CERK: variants seen among roughly 807,000 people sequenced by gnomAD.
CERK encodes the protein acylsphingosine kinase.
In CERK, 39 loss-of-function variants were observed where a neutral mutation model predicts 63.4. That is an observed-to-expected ratio of 0.61 (90% CI 0.48 to 0.80). CERK has a LOEUF of 0.80. CERK is among the 30% of genes least tolerant of loss of function. CERK has a pLI of 0.00. For synonymous variants in CERK, 302 were observed against 280.0 expected, an observed-to-expected ratio of 1.08 and a Z score of -0.78; for missense variants, 670 against 714.1, an observed-to-expected ratio of 0.94 and a Z score of 0.70.
chr22:46,729,360 A>T (rs1026810782), intron 1 of CERK, among the ~76,000 whole-genome samples: 23 of 152,050 alleles, frequency 1.5e-4, no homozygotes, highest in East Asian at 3.8e-4. Context: ...GTAAATAAAT[A>T]AATTAATTAA....
intron 3 of CERK, among the ~76,000 whole-genome samples, 183 bp downstream of exon 3, chr22:46,719,903 G>T (rs572212527): frequency 3.3e-5 from 5 of 152,234 alleles, no homozygotes; most frequent in Non-Finnish European, 5.9e-5. Flanking sequence ...AGGCTGTGGA[G>T]CCCATGCCCT....
chr22:46,724,537 G>A lies in CERK; in HGVS notation c.143-3522C>T, dbSNP rs373400728. Among the ~76,000 whole-genome samples the A allele has an allele frequency of 5.3e-5, 8 of 152,334 alleles. No homozygotes were observed. The South Asian group carries it at 1.7e-3, about 32-fold the overall frequency. ...ATTCCCCAGGTGGCAATGAGTGGCTGGACTTGGCGTGGCTTTGGCCTGTAT... is the reference window on the plus strand; with the variant it reads ...ATTCCCCAGGTGGCAATGAGTGGCTAGACTTGGCGTGGCTTTGGCCTGTAT... On this transcript the variant is annotated intron_variant, in intron 1 of 12. Transcript: ENST00000216264.
intron 7 of CERK, among the ~76,000 whole-genome samples, chr22:46,700,381 G>A (rs898633356): frequency 4.6e-5 from 7 of 152,064 alleles, no homozygotes; most frequent in East Asian, 1.9e-4. Context: ...CAACAAGAGC[G>A]AAACTCTGTC....
chr22:46,721,008 G>A lies in CERK; in HGVS notation c.150C>T (p.Cys50=), dbSNP rs12166204. 0.098 allele frequency: 157,593 copies of A among 1,606,024 alleles called. 8,333 individuals carry two copies. The highest frequency in any genetic ancestry group is 0.15 in the African/African-American group (11,284 of 74,794). Residue 50 remains cysteine, a synonymous_variant, in exon 2 of 13, where the codon TGC becomes TGT. Transcript: ENST00000216264. ...PGAGAPGADA[C]SVPVSEIIAV... is the part of the protein sequence containing the mutation. ...CGATGATCTCAGATACAGGCACAGA[G>A]CAGGCATCTGTAAAAACACCACGTC...
At chr22:46,706,375 T>C (rs2082813152) in intron 6 of CERK, among the ~76,000 whole-genome samples, 1 of 152,116 alleles carries the variant, frequency 6.6e-6, no homozygotes, top group African/African-American at 2.4e-5. Flanking sequence ...CTGAGAAGGA[T>C]GTGAGGAAAT....
chr22:46,731,355 G>A (rs917830195), intron 1 of CERK, among the ~76,000 whole-genome samples: 2 of 152,300 alleles, frequency 1.3e-5, no homozygotes, highest in African/African-American at 2.4e-5. Context: ...TCCACCCCCC[G>A]CCAAGGTGGC....
At chr22:46,693,317 A>G in intron 10 of CERK, 110 bp downstream of exon 10, 1 of 877,026 alleles carries the variant, frequency 1.1e-6, no homozygotes, top group Middle Eastern at 3.0e-4. Flanking sequence ...CAGACAGGAA[A>G]AAGGAAAAGC....
At position 46,714,068 on chromosome 22, in the gene CERK, T is replaced by G. The variant is rs6008958; in HGVS notation, c.380-1775A>C. ...GGCAGATCACTTGAGGTCAGGTGTT[T>G]GAAACCAGCCTGGGCAACATGGTGA... On this transcript the variant is annotated intron_variant, in intron 3 of 12. Coordinates refer to ENST00000216264, the MANE Select transcript of CERK (RefSeq NM_022766.6). The surrounding 1 kb of genome is among the most constrained non-coding windows in gnomAD (Gnocchi z 4.4). Among the ~76,000 whole-genome samples, 4 of 151,996 alleles carry G rather than the reference T, an allele frequency of 2.6e-5. No individual in the cohort carries two copies. The highest frequency in any genetic ancestry group is 1.5e-5 in the Non-Finnish European group (1 of 68,006).
intron 1 of CERK, among the ~76,000 whole-genome samples, chr22:46,737,307 C>CA (rs956392105): frequency 7.3e-6 from 1 of 136,750 alleles, no homozygotes; most frequent in South Asian, 2.2e-4. Context: ...AAAAAAAAAA[C>CA]AAAAAACAAA....
At chr22:46,703,004 G>C (rs1601715388) in intron 6 of CERK, among the ~76,000 whole-genome samples, 1 of 152,118 alleles carries the variant, frequency 6.6e-6, no homozygotes, top group African/African-American at 2.4e-5. Context: ...CGGGGCTCCA[G>C]GGGGGTTGCT....
Position 46,701,669 on chromosome 22 carries a change from C to T in CERK, c.757G>A (p.Asp253Asn), listed in dbSNP as rs754442734. 47 of 1,559,722 alleles carry T rather than the reference C, an allele frequency of 3.0e-5. No homozygotes were observed. The highest frequency in any genetic ancestry group is 2.5e-4 in the South Asian group (21 of 84,498). The change falls in exon 7 of 13, where the codon GAC becomes AAC. Residue 253 changes from aspartate to asparagine, a missense_variant. Transcript: ENST00000216264. ...ATATGCAGCGCCGAGGTTTCTGCGT[C>T]GCTGGTGCCCACGGTGGAGTAACAC... ...CVCYSTVGTS[D>N]AETSALHIVV...
chr22:46,709,993 A>C (rs1475238922), intron 5 of CERK, among the ~76,000 whole-genome samples: 1 of 152,266 alleles, frequency 6.6e-6, no homozygotes, highest in African/African-American at 2.4e-5. Flanking sequence ...CAAAGACATA[A>C]AAATCAATTC....
intron 12 of CERK, among the ~76,000 whole-genome samples, chr22:46,687,623 C>T (rs531324900): frequency 6.6e-5 from 10 of 151,638 alleles, no homozygotes; most frequent in Non-Finnish European, 1.5e-4. Context: ...ACTGAGCGCG[C>T]AAGGCCTGCG....
intron 12 of CERK, among the ~76,000 whole-genome samples, chr22:46,689,050 T>C (rs1337094812): frequency 6.6e-6 from 1 of 152,232 alleles, no homozygotes; most frequent in East Asian, 1.9e-4. Flanking sequence ...CCAGTGGGTG[T>C]GGGGAGGACA....
intron 1 of CERK, among the ~76,000 whole-genome samples, chr22:46,737,622 G>A (rs974883053): frequency 1.4e-5 from 2 of 146,218 alleles, no homozygotes; most frequent in East Asian, 2.1e-4. Flanking sequence ...AAACTGCAAT[G>A]CGCGCGGTGG....
Position 46,708,952 on chromosome 22 carries a change from G to C in CERK, c.570-964C>G, listed in dbSNP as rs367779243. Reference sequence around the variant, plus strand: ...TCAAGGTGCCTGCCCATTCCCCAGTGGGTCTGTCTGTGCAGGCGCGACCAG... The same window carrying C: ...TCAAGGTGCCTGCCCATTCCCCAGTCGGTCTGTCTGTGCAGGCGCGACCAG... On this transcript the variant is annotated intron_variant, in intron 5 of 12. Transcript: ENST00000216264. 9.2e-5 allele frequency among the ~76,000 whole-genome samples: 14 copies of C among 152,272 alleles called. 1 individual carries two copies. The South Asian group carries it at 2.7e-3, about 29-fold the overall frequency.
intron 12 of CERK, among the ~76,000 whole-genome samples, chr22:46,689,236 C>T (rs1178870871): frequency 1.3e-5 from 2 of 152,250 alleles, no homozygotes; most frequent in Non-Finnish European, 2.9e-5. Context: ...GGGTGCCCTT[C>T]CCAGCCCTGC....
At chr22:46,726,607 G>A (rs2082919473) in intron 1 of CERK, among the ~76,000 whole-genome samples, 1 of 152,168 alleles carries the variant, frequency 6.6e-6, no homozygotes, top group Non-Finnish European at 1.5e-5. Context: ...GCAACCCGCC[G>A]CTCAGTAAAC....
At chr22:46,711,256 C>T (rs555360566) in intron 4 of CERK, 107 bp from the exon 5 acceptor site, 12 of 810,330 alleles carry the variant, frequency 1.5e-5, no homozygotes, top group East Asian at 2.5e-5. Flanking sequence ...CACCTTCAGG[C>T]GGATTTCCTA....
Sources: allele counts gnomAD v4.1 joint callset (sites outside exome capture counted in the v4.1 genomes callset), GRCh38; gene constraint gnomAD v4.1.1; non-coding constraint Gnocchi (gnomAD v3.1); transcripts MANE v1.5; gene names NCBI Gene and HGNC (gene_info 2026-07-23, HGNC 2026-07-21).